The following CACNA1E variants were observed in gnomAD, a reference collection of about 807,000 sequenced individuals.
CACNA1E encodes voltage-dependent R-type calcium channel subunit alpha-1E.
A neutral mutation model predicts 259.2 loss-of-function variants in CACNA1E; 40 were observed. The observed-to-expected ratio is 0.15, with a 90% CI of 0.12 to 0.20. CACNA1E has a LOEUF of 0.20. Ranked by LOEUF, CACNA1E falls within the 10% of genes least tolerant of loss-of-function variation. The probability of loss-of-function intolerance (pLI) is 1.00; values close to 1 mark genes in which losing one functional copy is unlikely to be tolerated. For missense variants in CACNA1E, 1,874 were observed against 3,040.1 expected, an observed-to-expected ratio of 0.62 and a Z score of 9.02; for synonymous variants, 1,104 against 1,138.5, an observed-to-expected ratio of 0.97 and a Z score of 0.61.
intron 7 of CACNA1E, among the ~76,000 whole-genome samples, chr1:181,710,255 T>C (rs200827555): frequency 1.2e-4 from 15 of 130,114 alleles, no homozygotes; most frequent in Non-Finnish European, 1.4e-4. Context: ...CTCACGTCCC[T>C]TCCTTTCTTA....
chr1:181,679,051 A>G (rs1649661984), intron 7 of CACNA1E, among the ~76,000 whole-genome samples: 1 of 152,206 alleles, frequency 6.6e-6, no homozygotes. Flanking sequence ...ACACCTTTGC[A>G]TGACGCACTT....
intron 44 of CACNA1E, among the ~76,000 whole-genome samples, chr1:181,791,210 G>A (rs183514330): frequency 2.0e-5 from 3 of 152,328 alleles, no homozygotes; most frequent in Admixed American, 6.5e-5. Flanking sequence ...GGTGGCTCAC[G>A]CCTGTAATCC....
chr1:181,367,232 C>T (rs1654338489), intron 1 of CACNA1E, among the ~76,000 whole-genome samples: 1 of 152,192 alleles, frequency 6.6e-6, no homozygotes, highest in Non-Finnish European at 1.5e-5. Context: ...TAGAATTTGT[C>T]AAAGATCTTT....
intron 17 of CACNA1E, among the ~76,000 whole-genome samples, chr1:181,725,481 G>T (rs150482916): frequency 6.6e-6 from 1 of 152,230 alleles, no homozygotes; most frequent in Non-Finnish European, 1.5e-5. Flanking sequence ...CTCTGAAGAT[G>T]TATGTGCTCT....
intron 3 of CACNA1E, among the ~76,000 whole-genome samples, chr1:181,559,598 C>T (rs1026667771): frequency 1.3e-5 from 2 of 152,148 alleles, no homozygotes; most frequent in African/African-American, 2.4e-5. Context: ...CTAAACACTA[C>T]AGAGTTATTA....
At chr1:181,757,155 C>A (rs770631523) in intron 30 of CACNA1E, 29 bp downstream of exon 30, 30 of 1,515,408 alleles carry the variant, frequency 2.0e-5, no homozygotes, top group Non-Finnish European at 2.7e-5. Flanking sequence ...AAGTGGGGAG[C>A]AGCAGAGGCT....
intron 7 of CACNA1E, among the ~76,000 whole-genome samples, chr1:181,664,304 C>A (rs563878738): frequency 6.6e-6 from 1 of 152,172 alleles, no homozygotes. Context: ...TACACACATG[C>A]CCCAGCACAA....
intron 7 of CACNA1E, among the ~76,000 whole-genome samples, chr1:181,686,309 G>GTTT: frequency 1.2e-5 from 1 of 84,928 alleles, no homozygotes; most frequent in Non-Finnish European, 2.3e-5. Flanking sequence ...TTTTTGAGAT[G>GTTT]GAGTTTCACT....
chr1:181,452,126 T>G (rs1661194814), intron 2 of CACNA1E, among the ~76,000 whole-genome samples: 1 of 152,216 alleles, frequency 6.6e-6, no homozygotes, highest in Non-Finnish European at 1.5e-5. Flanking sequence ...TCAATCAATT[T>G]GCCTTTGTGG....
At chr1:181,325,241 C>T (rs1650676860) in intron 1 of CACNA1E, among the ~76,000 whole-genome samples, 1 of 152,212 alleles carries the variant, frequency 6.6e-6, no homozygotes, top group Non-Finnish European at 1.5e-5. Flanking sequence ...TCTTGTGTGA[C>T]AGCTGAGGGA....
intron 3 of CACNA1E, among the ~76,000 whole-genome samples, chr1:181,550,091 A>G (rs754380572): frequency 6.6e-6 from 1 of 152,126 alleles, no homozygotes; most frequent in Non-Finnish European, 1.5e-5. Flanking sequence ...ACTAGTTAGG[A>G]CACCATCTTT....
intron 6 of CACNA1E, among the ~76,000 whole-genome samples, chr1:181,592,105 C>T (rs1299618234): frequency 6.6e-6 from 1 of 152,148 alleles, no homozygotes; most frequent in Non-Finnish European, 1.5e-5. Flanking sequence ...CTGACTATCC[C>T]TGAGAAATTC....
chr1:181,644,076 C>G (rs1220510206), intron 6 of CACNA1E, among the ~76,000 whole-genome samples: 1 of 152,168 alleles, frequency 6.6e-6, no homozygotes, highest in African/African-American at 2.4e-5. Flanking sequence ...TCCCCTGCTC[C>G]CCAACCTTTG....
intron 7 of CACNA1E, among the ~76,000 whole-genome samples, chr1:181,662,186 C>A (rs1647754848): frequency 4.6e-5 from 7 of 152,138 alleles, no homozygotes; most frequent in Admixed American, 4.6e-4. Context: ...TTCCCCAAGA[C>A]ACTGCTTAGT....
chr1:181,729,291 G>GCC (rs1258232918), intron 18 of CACNA1E, among the ~76,000 whole-genome samples: 2 of 150,858 alleles, frequency 1.3e-5, no homozygotes, highest in African/African-American at 4.9e-5. Flanking sequence ...AGGTGTGTGT[G>GCC]CTCTGCACAG....
At chr1:181,770,506 C>T (rs1389210594) in intron 35 of CACNA1E, among the ~76,000 whole-genome samples, 1 of 152,198 alleles carries the variant, frequency 6.6e-6, no homozygotes, top group African/African-American at 2.4e-5. Flanking sequence ...AAATCTCATT[C>T]TGTCACCCAG....
At chr1:181,441,368 T>C (rs1456809617) in intron 2 of CACNA1E, among the ~76,000 whole-genome samples, 1 of 152,200 alleles carries the variant, frequency 6.6e-6, no homozygotes, top group African/African-American at 2.4e-5. Context: ...GTCAGGATGG[T>C]CTTGATTTCC....
intron 25 of CACNA1E, among the ~76,000 whole-genome samples, chr1:181,743,811 T>C (rs1656806732): frequency 6.6e-6 from 1 of 152,258 alleles, no homozygotes; most frequent in African/African-American, 2.4e-5. Context: ...GATTGGATTC[T>C]AAGTAGTCAT....
chr1:181,655,465 A>T (rs1659131303), intron 7 of CACNA1E, among the ~76,000 whole-genome samples: 1 of 152,240 alleles, frequency 6.6e-6, no homozygotes, highest in Non-Finnish European at 1.5e-5. Flanking sequence ...TAAGTTCTTA[A>T]AACTTTCATA....
Sources: gnomAD v4.1 joint callset for allele counts (sites outside exome capture counted in the v4.1 genomes callset) on GRCh38, gnomAD v4.1.1 for gene constraint, MANE v1.5 for transcripts, NCBI Gene and HGNC (gene_info 2026-07-23, HGNC 2026-07-21) for gene names.